The following PLXDC2 variants were observed in gnomAD, a reference collection of about 807,000 sequenced individuals.
PLXDC2 encodes plexin domain containing 2.
In PLXDC2, 40 loss-of-function variants were observed where a neutral mutation model predicts 68.9. That is an observed-to-expected ratio of 0.58 (90% CI 0.45 to 0.76). The LOEUF is 0.76. PLXDC2 is among the 30% of genes least tolerant of loss of function. The pLI, the probability that PLXDC2 is intolerant of heterozygous loss-of-function variation, is 0.00. For synonymous variants in PLXDC2, 243 were observed against 234.2 expected (o/e 1.04, Z -0.34); for missense variants, 644 against 661.9 (o/e 0.97, Z 0.30).
intron 3 of PLXDC2, among the ~76,000 whole-genome samples, chr10:20,051,558 AAT>A (rs1345946359): frequency 6.6e-6 from 1 of 151,430 alleles, no homozygotes; most frequent in East Asian, 1.9e-4. Flanking sequence ...CTTAATTTTG[AAT>A]ATGTTTGGCC....
At chr10:20,233,392 G>A (rs1272748322) in intron 12 of PLXDC2, among the ~76,000 whole-genome samples, 1 of 150,954 alleles carries the variant, frequency 6.6e-6, no homozygotes, top group South Asian at 2.1e-4. Context: ...GTGGGCATGG[G>A]GGTGCACAAC....
intron 2 of PLXDC2, among the ~76,000 whole-genome samples, chr10:20,033,022 G>T (rs901049256): frequency 5.0e-5 from 7 of 139,632 alleles, no homozygotes; most frequent in Admixed American, 2.2e-4. Context: ...ATCACACACC[G>T]GGGCCTGTTG....
At chr10:19,991,858 A>G (rs1264303703) in intron 1 of PLXDC2, among the ~76,000 whole-genome samples, 1 of 152,116 alleles carries the variant, frequency 6.6e-6, no homozygotes, top group East Asian at 1.9e-4. Flanking sequence ...CAGCCATTTC[A>G]TATTTTCCAT....
intron 1 of PLXDC2, among the ~76,000 whole-genome samples, chr10:19,922,897 A>G (rs1833483360): frequency 6.6e-6 from 1 of 152,190 alleles, no homozygotes; most frequent in Non-Finnish European, 1.5e-5. Context: ...GGTTGAAAAA[A>G]TAACTGAACT....
chr10:20,204,701 T>C (rs1417879805), intron 9 of PLXDC2, among the ~76,000 whole-genome samples: 2 of 152,198 alleles, frequency 1.3e-5, no homozygotes, highest in Admixed American at 6.5e-5. Context: ...TTTCTGGTTT[T>C]ATAAAGTTTG....
intron 2 of PLXDC2, 68 bp downstream of exon 2, chr10:20,002,054 T>C: frequency 6.8e-7 from 1 of 1,465,974 alleles, no homozygotes; most frequent in Non-Finnish European, 9.3e-7. Context: ...CCAACTTTTA[T>C]ATAGACATAA....
rs561525681 is a variant in PLXDC2 at position 20,162,573 on chromosome 10, A to G, written c.784-1895A>G. Among the ~76,000 whole-genome samples, 29 of 152,242 alleles carry G rather than the reference A, an allele frequency of 1.9e-4. No homozygotes were observed. In the East Asian group the frequency reaches 5.6e-3, roughly 29 times the overall value. On this transcript the variant is annotated intron_variant, in intron 6 of 13. Coordinates refer to ENST00000377252, the MANE Select transcript of PLXDC2 (RefSeq NM_032812.9). ...AGATGATCATGTCTTATTAGGATAC[A>G]AAAATATAAGTGAATTGGAATTTTT... is the stretch of plus-strand genomic sequence containing the variant.
chr10:20,155,687 T>G (rs974071556), intron 6 of PLXDC2, among the ~76,000 whole-genome samples: 8 of 152,178 alleles, frequency 5.3e-5, no homozygotes, highest in Non-Finnish European at 1.0e-4. Context: ...GATATTTTAT[T>G]TTTTAGCTAT....
At chr10:19,965,680 C>T (rs1046569345) in intron 1 of PLXDC2, among the ~76,000 whole-genome samples, 12 of 145,840 alleles carry the variant, frequency 8.2e-5, no homozygotes, top group Non-Finnish European at 8.9e-5. Flanking sequence ...TCCCGGTCTG[C>T]AGGAGCACAG....
At chr10:19,925,266 A>T (rs554608600) in intron 1 of PLXDC2, among the ~76,000 whole-genome samples, 1 of 152,166 alleles carries the variant, frequency 6.6e-6, no homozygotes, top group African/African-American at 2.4e-5. Flanking sequence ...ACACCAGTGA[A>T]TTTATCACCT....
At chr10:20,044,207 C>CTCTGTCTG (rs1249614464) in intron 2 of PLXDC2, among the ~76,000 whole-genome samples, 4 of 89,958 alleles carry the variant, frequency 4.4e-5, no homozygotes, top group African/African-American at 1.5e-4. Context: ...CTCTCTCTCT[C>CTCTGTCTG]TCTGTCTTTC....
intron 13 of PLXDC2, among the ~76,000 whole-genome samples, chr10:20,260,096 CAAT>C (rs759708091): frequency 6.6e-6 from 1 of 152,096 alleles, no homozygotes; most frequent in Admixed American, 6.5e-5. Context: ...AGGTATACAA[CAAT>C]GACATTTTTG....
chr10:20,248,260 A>C (rs1300795622), intron 13 of PLXDC2, among the ~76,000 whole-genome samples: 1 of 152,164 alleles, frequency 6.6e-6, no homozygotes, highest in Non-Finnish European at 1.5e-5. Context: ...TATTGTTTTG[A>C]GTATTAGTCT....
chr10:20,211,132 G>A, intron 9 of PLXDC2, among the ~76,000 whole-genome samples: 1 of 152,070 alleles, frequency 6.6e-6, no homozygotes, highest in East Asian at 1.9e-4. Flanking sequence ...AGCAAGTCAA[G>A]GGCCAGTCTT....
At chr10:20,110,019 C>A (rs777239341) in intron 4 of PLXDC2, among the ~76,000 whole-genome samples, 6 of 152,196 alleles carry the variant, frequency 3.9e-5, no homozygotes, top group Admixed American at 3.3e-4. Context: ...AGTCAACACA[C>A]AAAAAATATA....
At chr10:20,268,429 G>T (rs149075969) in intron 13 of PLXDC2, among the ~76,000 whole-genome samples, 1,607 of 152,158 alleles carry the variant, frequency 0.011, 27 homozygotes, top group African/African-American at 0.035. Context: ...GATGAAACTG[G>T]TCATATATGT....
intron 1 of PLXDC2, among the ~76,000 whole-genome samples, chr10:19,842,054 T>A (rs2131318627): frequency 6.6e-6 from 1 of 151,952 alleles, no homozygotes; most frequent in South Asian, 2.1e-4. Flanking sequence ...GGTGGGAGGA[T>A]CATTTGAGGC....
intron 1 of PLXDC2, among the ~76,000 whole-genome samples, chr10:19,960,516 A>G (rs1164553208): frequency 1.3e-5 from 2 of 152,050 alleles, no homozygotes; most frequent in African/African-American, 4.8e-5. Context: ...TGATTTTGCT[A>G]GCTCCTCTCT....
intron 2 of PLXDC2, among the ~76,000 whole-genome samples, chr10:20,002,829 A>G (rs1834964979): frequency 1.3e-5 from 2 of 152,106 alleles, no homozygotes; most frequent in Non-Finnish European, 2.9e-5. Flanking sequence ...GCAGTGGCTG[A>G]GGTGTAGAAT....
Sources: gnomAD v4.1 joint callset for allele counts (sites outside exome capture counted in the v4.1 genomes callset) on GRCh38, gnomAD v4.1.1 for gene constraint, MANE v1.5 for transcripts, NCBI Gene and HGNC (gene_info 2026-07-23, HGNC 2026-07-21) for gene names.